RBIS: variants seen among roughly 807,000 people sequenced by gnomAD.
RBIS encodes the protein ribosomal biogenesis factor, also known as ribosome biogenesis factor identified in screen.
RBIS carries 9 observed loss-of-function variants against 9.8 expected under a neutral mutation model. That is an observed-to-expected ratio of 0.92 (90% confidence interval 0.56 to 1.61). The LOEUF (loss-of-function observed/expected upper bound fraction) is 1.61. RBIS is among the 40% of genes most tolerant of loss of function. RBIS has a pLI of 0.00. For synonymous variants in RBIS, 35 were observed against 37.9 expected, an observed-to-expected ratio of 0.92 and a Z score of 0.28; for missense variants, 103 against 116.0, an observed-to-expected ratio of 0.89 and a Z score of 0.51.
At chr8:85,219,216 G>A (rs1813268109) in intron 1 of RBIS, 1 of 152,194 alleles carries the variant, frequency 6.6e-6, no homozygotes, top group African/African-American at 2.4e-5. Context: ...CAGACACCTT[G>A]AACATTCTTC....
At chr8:85,217,708 G>T in intron 1 of RBIS, 1 of 561,138 alleles carries the variant, frequency 1.8e-6, no homozygotes. Context: ...ATTCTTCCCT[G>T]TATCCCCAGT....
chr8:85,218,076 A>G (rs139325224), intron 1 of RBIS, among the ~76,000 whole-genome samples: 2 of 152,330 alleles, frequency 1.3e-5, no homozygotes, highest in African/African-American at 4.8e-5. Context: ...CTCCGTAGCT[A>G]GAGATGCATT....
At chr8:85,219,903 TACAC>T (rs1813299294) in intron 1 of RBIS, among the ~76,000 whole-genome samples, 1 of 151,910 alleles carries the variant, frequency 6.6e-6, no homozygotes, top group African/African-American at 2.4e-5. Flanking sequence ...ATACGGAACA[TACAC>T]AGACATGATA....
chr8:85,219,344 CG>C (rs1244243888), intron 1 of RBIS: 2 of 152,152 alleles, frequency 1.3e-5, no homozygotes, highest in Non-Finnish European at 2.9e-5. Context: ...TGCTTTTGAA[CG>C]CCAACAGTAT....
intron 1 of RBIS, chr8:85,217,772 T>C (rs1813209011): frequency 2.2e-6 from 1 of 452,866 alleles, no homozygotes; most frequent in Non-Finnish European, 3.9e-6. Flanking sequence ...TTCACTAATA[T>C]CATCAACACA....
intron 2 of RBIS, chr8:85,216,774 G>A (rs576411868): frequency 4.6e-5 from 7 of 152,418 alleles, no homozygotes; most frequent in Admixed American, 1.3e-4. Flanking sequence ...GATTTCTATG[G>A]ACTATTATAA....
In RBIS at chr8:85,214,610, T is replaced by C. The variant is rs1171535485; in HGVS notation, c.253A>G (p.Ser85Gly). 1.3e-6 allele frequency: 2 copies of C among 1,583,256 alleles called. No homozygotes were observed. The highest frequency in any genetic ancestry group is 1.3e-5 in the African/African-American group (1 of 74,434). ...GCTTCATCAACATTAACTGGTTTGC[T>C]TTCATGACGCTGCTGAGGAATCTGA... ...KELIPQQRHESKPVNVDEATR... is the reference protein window; with the variant it reads ...KELIPQQRHEGKPVNVDEATR... The change falls in exon 4 of 4, where the codon AGC (serine) becomes GGC (glycine). Residue 85 changes from serine to glycine, a missense_variant. Coordinates refer to ENST00000619594, the MANE Select transcript of RBIS (RefSeq NM_001099673.3).
In RBIS at chr8:85,217,458, T is replaced by C. The variant is rs780200323; in HGVS notation, c.42A>G (p.Val14=). Residue 14 remains valine, a synonymous_variant, in exon 2 of 4, where the codon GTA becomes GTG. Coordinates refer to ENST00000619594, the MANE Select transcript of RBIS (RefSeq NM_001099673.3). ...AGTTTTTTTGGCTGGCTATGTGAAA[T>C]ACATTCCTGGACTTCGGCCCTCTTA... ...NKLRGPKSRN[V]FHIASQKNFK... 1.9e-5 allele frequency: 31 copies of C among 1,612,430 alleles called. No homozygotes were observed. The highest frequency in any genetic ancestry group is 2.6e-5 in the Non-Finnish European group (31 of 1,179,628).
chr8:85,215,109 C>T (rs760671035), intron 2 of RBIS, 72 bp from the exon 3 acceptor site: 13 of 555,774 alleles, frequency 2.3e-5, no homozygotes, highest in African/African-American at 4.0e-5. Context: ...CAACCTTAAC[C>T]TGTTAAATCT....
Position 85,214,632 on chromosome 8 carries a change from C to G in RBIS, c.232-1G>C, listed in dbSNP as rs998644271. 1 of 1,530,742 alleles carries G rather than the reference C, an allele frequency of 6.5e-7. No individual in the cohort carries two copies. The highest frequency in any genetic ancestry group is 9.0e-7 in the Non-Finnish European group (1 of 1,105,102). 94.8% of individuals were successfully genotyped at this position (1,530,742 alleles called of 1,614,324 possible). A position where few individuals can be genotyped will look rare whatever the true frequency, so the allele number is the denominator to read the frequency against. ...TGCTTTCATGACGCTGCTGAGGAAT[C>G]TGAAAGGAGAAAGTATTATATTTAA... On this transcript the variant is annotated splice_acceptor_variant, in intron 3 of 3. Transcript: ENST00000619594. LOFTEE classifies it high-confidence loss of function.
intron 2 of RBIS, 193 bp from the exon 3 acceptor site, chr8:85,215,230 T>C (rs1220476337): frequency 1.3e-5 from 5 of 380,062 alleles, no homozygotes; most frequent in Admixed American, 8.7e-5. Context: ...ATGGGATTTA[T>C]GTGGCTATGC....
At chr8:85,220,196 G>T (rs1393820750) in intron 1 of RBIS, 110 bp downstream of exon 1, 1 of 152,212 alleles carries the variant, frequency 6.6e-6, no homozygotes, top group East Asian at 1.9e-4. Context: ...GGCAGAGCGC[G>T]ACGGAACCGA....
chr8:85,214,055 G>A lies in RBIS; in HGVS notation c.*505C>T, dbSNP rs1563985924. On this transcript the variant is annotated 3_prime_UTR_variant, in exon 4 of 4. Transcript: ENST00000619594. ...ACAAAGGGCTCTGATTGCTTTAGGG[G>A]ATAAGTGATTTAATATCCACAAACG... The A allele has an allele frequency of 1.7e-6, 1 of 595,154 alleles. No individual in the cohort carries two copies. The highest frequency in any genetic ancestry group is 1.9e-5 in the African/African-American group (1 of 53,808). 36.9% of individuals were successfully genotyped at this position (595,154 alleles called of 1,614,324 possible).
intron 1 of RBIS, among the ~76,000 whole-genome samples, chr8:85,218,438 GTA>G (rs779545076): frequency 6.6e-6 from 1 of 151,946 alleles, no homozygotes; most frequent in Non-Finnish European, 1.5e-5. Context: ...CAAAAAAATG[GTA>G]TAGTATTGCT....
At chr8:85,217,054 T>G in intron 2 of RBIS, 1 of 469,932 alleles carries the variant, frequency 2.1e-6, no homozygotes, top group South Asian at 3.6e-5. Context: ...TTGCCTCTAT[T>G]AATACATTCT....
Position 85,214,084 on chromosome 8 carries a change from C to A in RBIS, c.*476G>T. 1.7e-6 allele frequency: 1 copy of A among 591,352 alleles called. No homozygotes were observed. Among genetic ancestry groups the A allele is most frequent in the Non-Finnish European group, 3.1e-6 (1 of 324,654 alleles). The allele number at this position is 591,352 out of a possible 1,614,324, so 36.6% of individuals were successfully genotyped here. A position where few individuals can be genotyped will look rare whatever the true frequency, so the allele number is the denominator to read the frequency against. On this transcript the variant is annotated 3_prime_UTR_variant, in exon 4 of 4. Transcript: ENST00000619594. Reference sequence around the variant, plus strand: ...AGTGATTTAATATCCACAAACGTCCCCACTCCCAAAAGTAACTATATTCTG... The same window carrying A: ...AGTGATTTAATATCCACAAACGTCCACACTCCCAAAAGTAACTATATTCTG...
intron 3 of RBIS, 68 bp from the exon 4 acceptor site, chr8:85,214,699 GTTAT>G (rs1489588886): frequency 1.0e-6 from 1 of 998,906 alleles, no homozygotes; most frequent in Non-Finnish European, 1.6e-6. Context: ...TATATAAGCT[GTTAT>G]TCAATTTAAT....
intron 1 of RBIS, chr8:85,219,054 C>A (rs944568180): frequency 6.6e-6 from 1 of 152,216 alleles, no homozygotes; most frequent in East Asian, 1.9e-4. Flanking sequence ...ATGTTAAAAA[C>A]CTTCAACAGT....
intron 1 of RBIS, among the ~76,000 whole-genome samples, chr8:85,218,441 T>C (rs1813231533): frequency 6.6e-6 from 1 of 152,118 alleles, no homozygotes; most frequent in Non-Finnish European, 1.5e-5. Context: ...AAAAATGGTA[T>C]AGTATTGCTT....
Sources: gnomAD v4.1 joint callset for allele counts (sites outside exome capture counted in the v4.1 genomes callset) on GRCh38, gnomAD v4.1.1 for gene constraint, MANE v1.5 for transcripts, NCBI Gene and HGNC (gene_info 2026-07-23, HGNC 2026-07-21) for gene names.